TAF1: variants seen among roughly 807,000 people sequenced by gnomAD.
The protein encoded by TAF1 is TATA-box binding protein associated factor 1, also known as transcription initiation factor TFIID subunit 1.
A neutral mutation model predicts 138.5 loss-of-function variants in TAF1; 2 were observed. The ratio of observed to expected loss-of-function variants is 0.01; its 90% confidence interval spans 0.01 to 0.05. TAF1 has a LOEUF of 0.05. TAF1 is among the 10% of genes least tolerant of loss of function. The pLI, the probability that TAF1 is intolerant of heterozygous loss-of-function variation, is 1.00. For synonymous variants in TAF1, 437 were observed against 503.2 expected, an observed-to-expected ratio of 0.87 and a Z score of 1.76; for missense variants, 709 against 1,478.0, an observed-to-expected ratio of 0.48 and a Z score of 8.53.
intron 23 of TAF1, among the ~76,000 whole-genome samples, chrX:71,398,176 G>GA (rs1030752049): frequency 1.8e-5 from 2 of 110,180 alleles, no homozygotes; most frequent in African/African-American, 6.6e-5. Context: ...TGTCTCTACT[G>GA]AAAGTACAAA....
chrX:71,509,563 C>T (rs1166257108), intron 13 of TAF1, among the ~76,000 whole-genome samples: 3 of 111,187 alleles, frequency 2.7e-5, no homozygotes, highest in African/African-American at 9.8e-5. Context: ...AGGGGCTGGG[C>T]ATGGTGGCTC....
chrX:71,520,236 T>C lies in TAF1; in HGVS notation c.1367-8306T>C, dbSNP rs1024623342. Among the ~76,000 whole-genome samples the C allele has an allele frequency of 3.8e-5, 4 of 105,834 alleles. No individual in the cohort carries two copies. The Admixed American group carries it at 4.1e-4, about 11-fold the overall frequency. The allele number at this position is 105,834 out of a possible 115,157, so 91.9% of individuals were successfully genotyped here. On this transcript the variant is annotated intron_variant and NMD_transcript_variant, in intron 13 of 14. Coordinates refer to the TAF1 transcript ENST00000373775. ...TCGGCTCACTGCAAGCTCTGCTTCCTGGGTTCACGCCATTATCCTGCCTCA... is the reference window on the plus strand; with the variant it reads ...TCGGCTCACTGCAAGCTCTGCTTCCCGGGTTCACGCCATTATCCTGCCTCA...
intron 32 of TAF1, among the ~76,000 whole-genome samples, chrX:71,453,037 A>G (rs1470599576): frequency 9.0e-6 from 1 of 110,641 alleles, no homozygotes; most frequent in Non-Finnish European, 1.9e-5. Flanking sequence ...GCTCGGCATC[A>G]GAGGGAGACC....
At chrX:71,482,357 C>T (rs2039086562) in intron 13 of TAF1, among the ~76,000 whole-genome samples, 1 of 112,119 alleles carries the variant, frequency 8.9e-6, no homozygotes, top group Admixed American at 9.5e-5. Flanking sequence ...CTTCCCTGCA[C>T]ATATATGGGT....
At chrX:71,503,277 AAT>A (rs1166964675) in intron 13 of TAF1, among the ~76,000 whole-genome samples, 2,191 of 90,100 alleles carry the variant, frequency 0.024, 99 homozygotes, top group African/African-American at 0.093. Flanking sequence ...TCAAAAAAAA[AAT>A]ATATATATAT....
chrX:71,410,739 G>A (rs2035741081), intron 28 of TAF1, among the ~76,000 whole-genome samples: 1 of 110,284 alleles, frequency 9.1e-6, no homozygotes, highest in African/African-American at 3.3e-5. Context: ...TTACAGGCAT[G>A]AGACACTGCA....
intron 7 of TAF1, 35 bp from the exon 8 acceptor site, chrX:71,378,789 A>G (rs1050805591): frequency 8.4e-6 from 10 of 1,184,105 alleles, no homozygotes; most frequent in Non-Finnish European, 1.1e-5. Context: ...CCAGTGACCA[A>G]TCAAGGATGT....
rs1405755956 is a variant in TAF1 at position 71,464,848 on chromosome X, A to G, written c.*802A>G. Reference sequence around the variant, plus strand: ...CTTAAACCTGTGAGACAAACCGCCCATTATTTTATTATTTAATTATGCAAT... The same window carrying G: ...CTTAAACCTGTGAGACAAACCGCCCGTTATTTTATTATTTAATTATGCAAT... On this transcript the variant is annotated 3_prime_UTR_variant, in exon 38 of 38. Coordinates refer to ENST00000423759, the MANE Select transcript of TAF1 (RefSeq NM_004606.5). 1 of 111,941 alleles carries G rather than the reference A, an allele frequency of 8.9e-6. No homozygotes were observed. The highest frequency in any genetic ancestry group is 1.9e-5 in the Non-Finnish European group (1 of 53,258). The allele number at this position is 111,941 out of a possible 1,213,427, so 9.2% of individuals were successfully genotyped here. A position where few individuals can be genotyped will look rare whatever the true frequency, so the allele number is the denominator to read the frequency against.
chrX:71,470,888 A>G (rs753186266), downstream of TAF1, among the ~76,000 whole-genome samples: 1 of 108,863 alleles, frequency 9.2e-6, no homozygotes, highest in East Asian at 2.9e-4. Flanking sequence ...AACAGGTGGC[A>G]TGAACCTGTG....
chrX:71,433,251 A>C (rs1166764626), intron 32 of TAF1, among the ~76,000 whole-genome samples: 1 of 112,413 alleles, frequency 8.9e-6, no homozygotes, highest in African/African-American at 3.2e-5. Context: ...AACTATTGGC[A>C]CAAAGATTTG....
intron 32 of TAF1, among the ~76,000 whole-genome samples, chrX:71,448,642 G>C (rs189657589): frequency 6.3e-5 from 7 of 111,442 alleles, no homozygotes; most frequent in Admixed American, 3.8e-4. Context: ...TAGTGTAATA[G>C]AGTCTAATAG....
intron 32 of TAF1, among the ~76,000 whole-genome samples, chrX:71,445,659 A>C (rs568420644): frequency 3.6e-5 from 4 of 111,483 alleles, no homozygotes; most frequent in African/African-American, 1.3e-4. Context: ...CATTCCACTA[A>C]ATTTAGAAGG....
chrX:71,446,726 T>A (rs1222355466), intron 32 of TAF1, among the ~76,000 whole-genome samples: 1 of 111,989 alleles, frequency 8.9e-6, no homozygotes, highest in Non-Finnish European at 1.9e-5. Context: ...ATTTTCAGGG[T>A]CTTTGGGCTT....
chrX:71,372,639 C>CA (rs113198786), intron 3 of TAF1, among the ~76,000 whole-genome samples: 3,741 of 93,347 alleles, frequency 0.04, 165 homozygotes, highest in African/African-American at 0.12. Context: ...ACCCCTGTCT[C>CA]AAAAAAAAAA....
chrX:71,436,038 CTTTTTTT>C lies in TAF1; in HGVS notation c.4753+11821_4753+11827del, dbSNP rs780566468. Reference sequence around the variant, plus strand: ...TTCCTACTAATTGAAATGCTACCTCCTTTTTTTTTTTTTTTTTTTTTTTTTTTGAAAC... The same window carrying C: ...TTCCTACTAATTGAAATGCTACCTCCTTTTTTTTTTTTTTTTTTTTGAAAC... On this transcript the variant is annotated intron_variant, in intron 32 of 37. Transcript: ENST00000423759. 2.9e-3 allele frequency among the ~76,000 whole-genome samples: 230 copies of C among 78,410 alleles called. 1 individual carries two copies. The highest frequency in any genetic ancestry group is 0.012 in the African/African-American group (218 of 18,535). The allele number at this position is 78,410 out of a possible 115,157, so 68.1% of individuals were successfully genotyped here.
At chrX:71,379,075 T>C in intron 8 of TAF1, 44 bp downstream of exon 8, 1 of 1,035,474 alleles carries the variant, frequency 9.7e-7, no homozygotes, top group South Asian at 2.0e-5. Context: ...CTGCCCTTAA[T>C]CTTAGTCACC....
At chrX:71,503,723 A>G (rs1258894107) in intron 13 of TAF1, among the ~76,000 whole-genome samples, 1 of 110,007 alleles carries the variant, frequency 9.1e-6, no homozygotes, top group African/African-American at 3.3e-5. Flanking sequence ...TTTTTTCACA[A>G]TCTTTTACTT....
intron 18 of TAF1, among the ~76,000 whole-genome samples, chrX:71,390,952 G>A (rs1348407696): frequency 1.8e-5 from 2 of 109,144 alleles, no homozygotes; most frequent in Non-Finnish European, 3.8e-5. Context: ...CTGAGACCAC[G>A]CCATTGTAGT....
chrX:71,477,762 G>A (rs1234983463), intron 13 of TAF1, among the ~76,000 whole-genome samples: 2 of 112,062 alleles, frequency 1.8e-5, no homozygotes, highest in African/African-American at 6.5e-5. Context: ...GGGAGGCCGA[G>A]GCAGGTGGAT....
Sources: allele counts gnomAD v4.1 joint callset (sites outside exome capture counted in the v4.1 genomes callset), GRCh38; gene constraint gnomAD v4.1.1; transcripts MANE v1.5; gene names NCBI Gene and HGNC (gene_info 2026-07-23, HGNC 2026-07-21).